The following TNS3 variants were observed in gnomAD, a reference collection of about 807,000 sequenced individuals.
The protein encoded by TNS3 is tensin 3, also known as tensin-3.
Under a neutral mutation model 140.9 loss-of-function variants are expected in TNS3, and 45 were observed. The ratio of observed to expected loss-of-function variants is 0.32; its 90% confidence interval spans 0.25 to 0.41. TNS3 has a LOEUF of 0.41. TNS3 is among the 10% of genes least tolerant of loss of function. TNS3 has a pLI of 1.00. For missense variants in TNS3, 1,716 were observed against 1,906.7 expected (o/e 0.90, Z 1.86); for synonymous variants, 815 against 788.4 (o/e 1.03, Z -0.56).
At chr7:47,493,547 G>T (rs1035419015) in intron 3 of TNS3, among the ~76,000 whole-genome samples, 1 of 151,934 alleles carries the variant, frequency 6.6e-6, no homozygotes, top group African/African-American at 2.4e-5. Flanking sequence ...GGCCGGGCGC[G>T]GTGGCTCACA....
chr7:47,351,248 C>A (rs756959380), intron 17 of TNS3, among the ~76,000 whole-genome samples: 1 of 152,198 alleles, frequency 6.6e-6, no homozygotes, highest in African/African-American at 2.4e-5. Context: ...TTACACTTTT[C>A]CTTCTCTCTG....
At chr7:47,302,756 G>A (rs1786479248) in intron 22 of TNS3, among the ~76,000 whole-genome samples, 194 bp downstream of exon 22, 1 of 152,234 alleles carries the variant, frequency 6.6e-6, no homozygotes, top group South Asian at 2.1e-4. Context: ...AAGCCAAGAA[G>A]AGTGAATGAA....
intron 1 of TNS3, among the ~76,000 whole-genome samples, chr7:47,542,284 G>A (rs2151967091): frequency 6.6e-6 from 1 of 152,328 alleles, no homozygotes; most frequent in African/African-American, 2.4e-5. Flanking sequence ...GTGATTCAGA[G>A]ATGAGAATAT....
rs748727075 is a variant in TNS3 at position 47,368,426 on chromosome 7, G to A, written c.2220C>T (p.Leu740=). ...TGTCAGGCAGCCTGCTGCTTGCCCG[G>A]AGCCCACCTCCCACGCTGTCTGGAG... is the stretch of plus-strand genomic sequence containing the variant. The part of the protein sequence containing the change: ...SVSPDSVGGG[L]RASSRLPDTG... Residue 740 remains leucine, a synonymous_variant, in exon 17 of 31, where the codon CTC becomes CTT. Transcript: ENST00000311160. 2.3e-5 allele frequency: 35 copies of A among 1,530,618 alleles called. No homozygotes were observed. The Admixed American group carries it at 6.6e-4, about 29-fold the overall frequency. 94.8% of individuals were successfully genotyped at this position (1,530,618 alleles called of 1,614,324 possible).
chr7:47,536,305 A>T (rs150900249), intron 1 of TNS3, among the ~76,000 whole-genome samples: 13 of 148,230 alleles, frequency 8.8e-5, no homozygotes, highest in Admixed American at 4.4e-4. Flanking sequence ...CCTAGCGGGG[A>T]GCCAACCAGC....
At chr7:47,545,132 T>C (rs2151972009) in intron 1 of TNS3, among the ~76,000 whole-genome samples, 1 of 138,206 alleles carries the variant, frequency 7.2e-6, no homozygotes, top group South Asian at 2.4e-4. Context: ...TTGAGATGCG[T>C]AAGAGGGCAT....
intron 4 of TNS3, among the ~76,000 whole-genome samples, chr7:47,464,441 A>G (rs77465871): frequency 0.041 from 6,162 of 152,074 alleles, 282 homozygotes; most frequent in East Asian, 0.15. Flanking sequence ...CAGTAACCCT[A>G]CGCCCCGAGC....
chr7:47,331,402 G>T (rs1788334760), intron 20 of TNS3, among the ~76,000 whole-genome samples: 1 of 152,246 alleles, frequency 6.6e-6, no homozygotes, highest in East Asian at 1.9e-4. Context: ...GTGCTCACTT[G>T]GGCATTGCGG....
chr7:47,327,187 A>G (rs1186438145), intron 20 of TNS3, among the ~76,000 whole-genome samples: 2 of 152,214 alleles, frequency 1.3e-5, no homozygotes, highest in Non-Finnish European at 2.9e-5. Context: ...GAGGGAAGGG[A>G]CAGTGAAGAA....
At chr7:47,405,658 C>T (rs1793404598) in intron 13 of TNS3, 1 of 691,214 alleles carries the variant, frequency 1.4e-6, no homozygotes, top group Non-Finnish European at 2.6e-6. Context: ...CCAGCCCAGT[C>T]TAAAAGGGAG....
At chr7:47,466,243 C>A (rs1796710763) in intron 4 of TNS3, among the ~76,000 whole-genome samples, 1 of 151,814 alleles carries the variant, frequency 6.6e-6, no homozygotes, top group African/African-American at 2.4e-5. Flanking sequence ...ATCTCTGCCT[C>A]CTGGGTTCAA....
intron 16 of TNS3, among the ~76,000 whole-genome samples, chr7:47,385,113 C>A (rs145601815): frequency 6.6e-6 from 1 of 152,188 alleles, no homozygotes; most frequent in African/African-American, 2.4e-5. Flanking sequence ...CTGCTCTCTA[C>A]CCTTCTCTGC....
At chr7:47,495,325 T>A (rs1485558860) in intron 3 of TNS3, among the ~76,000 whole-genome samples, 2 of 151,696 alleles carry the variant, frequency 1.3e-5, no homozygotes, top group African/African-American at 4.8e-5. Context: ...GTGCCGCACA[T>A]CAACTAAGTG....
chr7:47,488,975 AG>A (rs1310935270), intron 3 of TNS3, among the ~76,000 whole-genome samples: 1 of 152,248 alleles, frequency 6.6e-6, no homozygotes, highest in African/African-American at 2.4e-5. Flanking sequence ...GTACAAAATG[AG>A]GACATTCGAG....
rs200193968 is a variant in TNS3, at chr7:47,302,967, G to A, written c.3440C>T (p.Ala1147Val). ...VLPDFSKASE[A>V]ASPLPDSPGD... is the part of the protein sequence containing the mutation. Reference sequence around the variant, plus strand: ...ACACCTACCTGGCAGAGGTGAGGCCGCTTCTGAAGCCTTGGAAAAGTCGGG... The same window carrying A: ...ACACCTACCTGGCAGAGGTGAGGCCACTTCTGAAGCCTTGGAAAAGTCGGG... Residue 1147 changes from alanine (A) to valine (V), a missense_variant, in exon 22 of 31, where the codon GCG (alanine) becomes GTG (valine). By Grantham distance (64) the Ala-to-Val change is moderately conservative. Around this residue, in one of 3 missense-constraint regions of TNS3, gnomAD observed 1,163 missense variants for 1,182.1 expected, o/e 0.98. Transcript: ENST00000311160. 26 of 1,607,160 alleles carry A rather than the reference G, an allele frequency of 1.6e-5. No homozygotes were observed. Among genetic ancestry groups the A allele is most frequent in the Admixed American group, 8.4e-5 (5 of 59,732 alleles).
At chr7:47,543,783 G>A (rs1009309374) in intron 1 of TNS3, among the ~76,000 whole-genome samples, 87 of 152,292 alleles carry the variant, frequency 5.7e-4, no homozygotes, top group Non-Finnish European at 1.5e-4. Context: ...TCCCGGGCAC[G>A]CAGCCTGTCC....
intron 1 of TNS3, among the ~76,000 whole-genome samples, chr7:47,578,834 A>G (rs1302467364): frequency 1.3e-5 from 2 of 152,174 alleles, no homozygotes; most frequent in Non-Finnish European, 2.9e-5. Context: ...CCCGAGCTGC[A>G]CTCGAAAAGC....
At chr7:47,571,787 A>C (rs1028601818) in intron 1 of TNS3, among the ~76,000 whole-genome samples, 7 of 152,370 alleles carry the variant, frequency 4.6e-5, no homozygotes, top group African/African-American at 1.7e-4. Flanking sequence ...TCACAGACTC[A>C]CAGGCCAAGG....
intron 4 of TNS3, among the ~76,000 whole-genome samples, chr7:47,454,978 T>C (rs1455856375): frequency 1.3e-5 from 2 of 152,176 alleles, no homozygotes; most frequent in African/African-American, 4.8e-5. Flanking sequence ...CGTTCTGTCC[T>C]GTTAGATGTC....
Sources: gnomAD v4.1 joint callset for allele counts (sites outside exome capture counted in the v4.1 genomes callset) on GRCh38, gnomAD v4.1.1 for gene constraint, gnomAD v4.1.1 regional missense constraint, MANE v1.5 for transcripts, NCBI Gene and HGNC (gene_info 2026-07-23, HGNC 2026-07-21) for gene names.